The following TRPM8 variants were observed in gnomAD, a reference collection of about 807,000 sequenced individuals.
TRPM8 encodes the protein TRPM8 cationic channel.
Under a neutral mutation model 133.7 loss-of-function variants are expected in TRPM8, and 110 were observed. The observed-to-expected ratio is 0.82, with a 90% confidence interval of 0.70 to 0.96. The LOEUF (loss-of-function observed/expected upper bound fraction) is 0.96. Ranked by LOEUF, TRPM8 falls within the 40% of genes least tolerant of loss-of-function variation. The pLI is 0.00. For missense variants in TRPM8, 1,291 were observed against 1,379.5 expected (o/e 0.94, Z 1.02); for synonymous variants, 535 against 532.3 (o/e 1.01, Z -0.07).
chr2:233,947,246 C>T (rs1691066335), intron 8 of TRPM8, 91 bp downstream of exon 8: 1 of 1,580,452 alleles, frequency 6.3e-7, no homozygotes, highest in Non-Finnish European at 8.6e-7. Flanking sequence ...CTAATCTAAC[C>T]TAATTGATTT....
In TRPM8 at chr2:233,966,867, G is replaced by A. The variant is rs929187559; in HGVS notation, c.2025+112G>A. On this transcript the variant is annotated intron_variant, in intron 15 of 25. Transcript: ENST00000324695. Reference sequence around the variant, plus strand: ...ACAAACCTTATTCTCCAATATAAAAGCCATAGAAGGAGTGGTTTGGTGATG... The same window carrying A: ...ACAAACCTTATTCTCCAATATAAAAACCATAGAAGGAGTGGTTTGGTGATG... The A allele has an allele frequency of 4.5e-5, 60 of 1,333,466 alleles. No individual in the cohort carries two copies. In the Admixed American group the frequency reaches 1.7e-3, roughly 39 times the overall value. The allele number at this position is 1,333,466 out of a possible 1,614,324, so 82.6% of individuals were successfully genotyped here.
chr2:233,993,985 G>A lies in TRPM8; in HGVS notation c.2940-2341G>A, dbSNP rs1050630950. 3.3e-5 allele frequency among the ~76,000 whole-genome samples: 5 copies of A among 152,078 alleles called. 1 individual carries two copies. Among genetic ancestry groups the A allele is most frequent in the Non-Finnish European group, 7.4e-5 (5 of 68,014 alleles). ...TTTCTATTTCCTTTTTTGAAATAGA[G>A]CATCTATTTCTTTTTTGGAAATACA... On this transcript the variant is annotated intron_variant, in intron 21 of 25. Transcript: ENST00000324695.
chr2:233,970,706 G>C (rs945636464), intron 17 of TRPM8, among the ~76,000 whole-genome samples: 1 of 152,178 alleles, frequency 6.6e-6, no homozygotes, highest in East Asian at 1.9e-4. Flanking sequence ...AGAGAAGAGA[G>C]ACCCTGGATG....
intron 12 of TRPM8, 141 bp from the exon 13 acceptor site, chr2:233,963,141 G>A: frequency 4.3e-6 from 2 of 462,506 alleles, no homozygotes; most frequent in East Asian, 3.3e-5. Flanking sequence ...TTGCAGAGAT[G>A]AAAATCCCAT....
At chr2:233,918,148 T>G (rs1479734600) in intron 1 of TRPM8, among the ~76,000 whole-genome samples, 1 of 152,098 alleles carries the variant, frequency 6.6e-6, no homozygotes, top group Non-Finnish European at 1.5e-5. Flanking sequence ...TTAAGACTAT[T>G]CTATATGTGC....
At chr2:233,937,899 T>C (rs1199867681) in intron 4 of TRPM8, among the ~76,000 whole-genome samples, 1 of 152,108 alleles carries the variant, frequency 6.6e-6, no homozygotes, top group Non-Finnish European at 1.5e-5. Context: ...CTGTGCAAGC[T>C]CTCCAGCAAG....
At position 233,980,170 on chromosome 2, in the gene TRPM8, G is replaced by T; in HGVS notation, c.2356-18G>T. On this transcript the variant is annotated intron_variant, in intron 17 of 25. Coordinates refer to ENST00000324695, the MANE Select transcript of TRPM8 (RefSeq NM_024080.5). ...TTCCAAGCTGCTGATGTCCCTCTCT[G>T]TCCCTTTCTGTACGCAGTGGTACGT... 6.5e-7 allele frequency: 1 copy of T among 1,544,312 alleles called. No individual in the cohort carries two copies. The highest frequency in any genetic ancestry group is 8.9e-7 in the Non-Finnish European group (1 of 1,125,394).
chr2:233,969,645 A>T (rs376585942), intron 15 of TRPM8, 50 bp from the exon 16 acceptor site: 13 of 1,126,050 alleles, frequency 1.2e-5, no homozygotes, highest in African/African-American at 1.1e-4. Context: ...GGCATCCTGC[A>T]TACAATTGTG....
chr2:233,965,945 T>C (rs1691558744), intron 14 of TRPM8: 1 of 150,912 alleles, frequency 6.6e-6, no homozygotes, highest in Admixed American at 6.6e-5. Context: ...GCCTCCTGGG[T>C]TCAAGCGATT....
In TRPM8 at chr2:233,986,087, G is replaced by C. The variant is rs968404394; in HGVS notation, c.2939+222G>C. ...TTTGACACTGAAGACAAGCACCTGT[G>C]ACAATCTTCATCAAATCCAGACTGC... On this transcript the variant is annotated intron_variant, in intron 21 of 25. Coordinates refer to ENST00000324695, the MANE Select transcript of TRPM8 (RefSeq NM_024080.5). Among the ~76,000 whole-genome samples the C allele has an allele frequency of 2.0e-5, 3 of 152,238 alleles. No homozygotes were observed. In the East Asian group the frequency reaches 5.8e-4, roughly 29 times the overall value.
chr2:233,936,224 C>T (rs573342027), intron 3 of TRPM8, among the ~76,000 whole-genome samples: 34 of 152,274 alleles, frequency 2.2e-4, no homozygotes, highest in Middle Eastern at 6.8e-3. Flanking sequence ...GGAAGGACAT[C>T]CCGCTCATCT....
At chr2:234,008,219 T>C in intron 24 of TRPM8, 116 bp downstream of exon 24, 1 of 1,045,794 alleles carries the variant, frequency 9.6e-7, no homozygotes, top group Middle Eastern at 2.5e-4. Context: ...GCTTTCTTAA[T>C]TCACTGTCTA....
At position 233,971,827 on chromosome 2, in the gene TRPM8, C is replaced by A. The variant is rs1471894880; in HGVS notation, c.2355+1401C>A. Among the ~76,000 whole-genome samples the A allele has an allele frequency of 3.3e-5, 5 of 151,966 alleles. No homozygotes were observed. The South Asian group carries it at 1.0e-3, about 32-fold the overall frequency. On this transcript the variant is annotated intron_variant, in intron 17 of 25. Transcript: ENST00000324695. ...TGCATAGAGCGAAAGAACAAAGCTT[C>A]CACACTGTGGAAGGGGACCCCAGCA...
At chr2:233,933,571 A>G (rs1237152772) in intron 3 of TRPM8, among the ~76,000 whole-genome samples, 2 of 152,074 alleles carry the variant, frequency 1.3e-5, no homozygotes, top group African/African-American at 2.4e-5. Context: ...CCATTTATAA[A>G]CCAGTTCATA....
chr2:233,934,695 C>T (rs142870487), intron 3 of TRPM8, among the ~76,000 whole-genome samples: 34 of 152,320 alleles, frequency 2.2e-4, no homozygotes, highest in African/African-American at 7.9e-4. Context: ...TTACCCTGGG[C>T]TTCCAGCACT....
intron 1 of TRPM8, among the ~76,000 whole-genome samples, chr2:233,917,882 T>C (rs936797831): frequency 3.9e-5 from 6 of 152,218 alleles, no homozygotes; most frequent in Non-Finnish European, 5.9e-5. Context: ...AATAATGCAT[T>C]CAAATAGTAA....
Position 233,963,361 on chromosome 2 carries a change from A to G in TRPM8, c.1733A>G (p.Lys578Arg). ...CTTCAGAATAAGAAGGAACTCTCCA[A>G]AGTCATTTGGGAGCAGGTAAGTGCC... ...AILQNKKELSKVIWEQTRGCT... is the reference protein window; with the variant it reads ...AILQNKKELSRVIWEQTRGCT... Residue 578 changes from lysine to arginine, a missense_variant, in exon 13 of 26, where the codon AAA (lysine) becomes AGA (arginine). Coordinates refer to ENST00000324695, the MANE Select transcript of TRPM8 (RefSeq NM_024080.5). The G allele has an allele frequency of 1.2e-6, 2 of 1,612,074 alleles. No homozygotes were observed. Among genetic ancestry groups the G allele is most frequent in the Non-Finnish European group, 1.7e-6 (2 of 1,178,884 alleles).
Position 233,955,236 on chromosome 2 carries a change from G to T in TRPM8, c.1348G>T (p.Asp450Tyr). The change falls in exon 11 of 26, where the codon GAC (aspartate) becomes TAC (tyrosine). Residue 450 changes from aspartate (D) to tyrosine (Y), a missense_variant. Asp to Tyr is a radical substitution (Grantham distance 160). This residue lies in a region of TRPM8 where 963 missense variants were observed against 968.9 expected (regional missense o/e 0.99). Coordinates refer to ENST00000324695, the MANE Select transcript of TRPM8 (RefSeq NM_024080.5). The part of the protein sequence containing the change: ...DLANDEIFTN[D>Y]RRWESADLQE... ...AGCCAATGATGAGATTTTCACCAATGACCGCCGATGGGAGGTAAGCACGAA... is the reference window on the plus strand; with the variant it reads ...AGCCAATGATGAGATTTTCACCAATTACCGCCGATGGGAGGTAAGCACGAA... 6.2e-7 allele frequency: 1 copy of T among 1,613,824 alleles called. No individual in the cohort carries two copies.
At chr2:233,965,059 G>C (rs539947105) in intron 14 of TRPM8, among the ~76,000 whole-genome samples, 6,459 of 147,682 alleles carry the variant, frequency 0.044, 172 homozygotes, top group East Asian at 0.063. Flanking sequence ...TTTGTGGGGG[G>C]GGGGGGTGTT....
Sources: allele counts gnomAD v4.1 joint callset (sites outside exome capture counted in the v4.1 genomes callset), GRCh38; gene constraint gnomAD v4.1.1; regional missense constraint gnomAD v4.1.1; transcripts MANE v1.5; gene names NCBI Gene and HGNC (gene_info 2026-07-23, HGNC 2026-07-21).